The following SYT7 variants were observed in gnomAD, a reference collection of about 807,000 sequenced individuals.
SYT7 encodes synaptotagmin-7.
SYT7 carries 29 observed loss-of-function variants against 75.1 expected under a neutral mutation model. The ratio of observed to expected loss-of-function variants is 0.39; its 90% CI spans 0.29 to 0.53. The LOEUF (loss-of-function observed/expected upper bound fraction) is 0.53, where lower values mean the gene tolerates loss of function less well. SYT7 is among the 20% of genes least tolerant of loss of function. SYT7 has a pLI of 0.77. For missense variants in SYT7, 693 were observed against 953.2 expected (o/e 0.73, Z 3.59); for synonymous variants, 376 against 401.7 (o/e 0.94, Z 0.76).
Position 61,580,174 on chromosome 11 carries a change from G to T in SYT7, c.31+616C>A, listed in dbSNP as rs1290653229. 6.7e-6 allele frequency among the ~76,000 whole-genome samples: 1 copy of T among 149,068 alleles called. No homozygotes were observed. The highest frequency in any genetic ancestry group is 1.5e-5 in the Non-Finnish European group (1 of 67,418). ...CCCAAACCTAGGAGAACATTCTCTT[G>T]GCACCCCCATTCTCATGAGCCCCTG... is the stretch of plus-strand genomic sequence containing the variant. On this transcript the variant is annotated intron_variant, in intron 1 of 12. Transcript: ENST00000539008. This position sits in a 1 kb window ranked among gnomAD's most constrained non-coding sequence, Gnocchi z 6.1.
intron 1 of SYT7, among the ~76,000 whole-genome samples, chr11:61,579,854 G>A (rs956450071): frequency 6.6e-6 from 1 of 152,224 alleles, no homozygotes; most frequent in African/African-American, 2.4e-5. Flanking sequence ...GGCAGACTGG[G>A]GGTGCTGGGA....
chr11:61,576,602 C>T lies in SYT7; in HGVS notation c.31+4188G>A, dbSNP rs981345350. 2.0e-5 allele frequency among the ~76,000 whole-genome samples: 3 copies of T among 151,966 alleles called. No individual in the cohort carries two copies. Among genetic ancestry groups the T allele is most frequent in the Non-Finnish European group, 2.9e-5 (2 of 68,012 alleles). On this transcript the variant is annotated intron_variant, in intron 1 of 12. Transcript: ENST00000539008. The surrounding 1 kb of genome is among the most constrained non-coding windows in gnomAD (Gnocchi z 4.1). ...TGACCCCTCCCAGCTCTTCTCCCTG[C>T]TGTTCTTCTGTTCTTGGCCTCACTC...
At chr11:61,572,544 CA>C (rs1261953419) in intron 1 of SYT7, among the ~76,000 whole-genome samples, 1 of 152,210 alleles carries the variant, frequency 6.6e-6, no homozygotes, top group East Asian at 1.9e-4. Context: ...GCAAGACACT[CA>C]ACCTCTCTGA....
Position 61,542,268 on chromosome 11 carries a change from C to A in SYT7, c.884G>T (p.Ser295Ile). 1 of 1,535,322 alleles carries A rather than the reference C, an allele frequency of 6.5e-7. No individual in the cohort carries two copies. Among genetic ancestry groups the A allele is most frequent in the Non-Finnish European group, 8.7e-7 (1 of 1,146,502 alleles). Residue 295 changes from serine (S) to isoleucine (I), a missense_variant, in exon 6 of 13, where the codon AGC (serine) becomes ATC (isoleucine). By Grantham distance (142) the Ser-to-Ile change is moderately radical (BLOSUM62 -2). Around this residue, in one of 2 missense-constraint regions of SYT7, gnomAD observed 487 missense variants for 593.2 expected, o/e 0.82. Transcript: ENST00000539008. This position sits in a 1 kb window ranked among gnomAD's most constrained non-coding sequence, Gnocchi z 7.8. The part of the protein sequence containing the change: ...AGGRSRSNPG[S>I]WDHVVGQIRN... ...AATCTGCCCCACCACGTGGTCCCAG[C>A]TGCCTGGGTTGGAGCGGCTGCGGCC...
Position 61,546,914 on chromosome 11 carries a change from A to C in SYT7, c.347+263T>G, listed in dbSNP as rs2063208476. Among the ~76,000 whole-genome samples the C allele has an allele frequency of 6.6e-6, 1 of 151,968 alleles. No homozygotes were observed. The highest frequency in any genetic ancestry group is 6.5e-5 in the Admixed American group (1 of 15,268). ...GGCCCCGGGACCAGCTGGGGGGGCC[A>C]GGTATGGCTGCCGAGGGGGCTCTCC... On this transcript the variant is annotated intron_variant, in intron 4 of 12. Transcript: ENST00000539008. This position sits in a 1 kb window ranked among gnomAD's most constrained non-coding sequence, Gnocchi z 7.6.
intron 1 of SYT7, among the ~76,000 whole-genome samples, chr11:61,566,708 G>T (rs753761393): frequency 1.4e-4 from 21 of 152,238 alleles, no homozygotes; most frequent in Non-Finnish European, 2.9e-4. Flanking sequence ...ATGATTAAGT[G>T]TGGGCCTTGA....
chr11:61,550,208 C>G (rs1414284779), intron 3 of SYT7, among the ~76,000 whole-genome samples: 1 of 152,192 alleles, frequency 6.6e-6, no homozygotes, highest in African/African-American at 2.4e-5. Context: ...CACGCCTCCT[C>G]TTGCCCCACC....
At chr11:61,534,772 C>T (rs11230735) in intron 7 of SYT7, among the ~76,000 whole-genome samples, 19,156 of 152,156 alleles carry the variant, frequency 0.13, 1,548 homozygotes, top group Middle Eastern at 0.21. Context: ...GCCCACTCCA[C>T]CCAGCGACAC....
At chr11:61,573,868 C>T (rs1240773807) in intron 1 of SYT7, among the ~76,000 whole-genome samples, 1 of 152,244 alleles carries the variant, frequency 6.6e-6, no homozygotes, top group Non-Finnish European at 1.5e-5. Context: ...CTGAAGCTCA[C>T]ACCCTTAGGT....
chr11:61,584,928 G>A (rs1440993284), upstream of SYT7, among the ~76,000 whole-genome samples: 2 of 152,238 alleles, frequency 1.3e-5, no homozygotes, highest in Non-Finnish European at 2.9e-5. Flanking sequence ...TTCGTTGCTG[G>A]TCCCCTGTCC....
At chr11:61,540,690 T>G in intron 6 of SYT7, 1 of 985,460 alleles carries the variant, frequency 1.0e-6, no homozygotes. Flanking sequence ...TGGCCCAGTT[T>G]AATGGCTGCT....
intron 8 of SYT7, among the ~76,000 whole-genome samples, chr11:61,532,609 C>T (rs2062744638): frequency 6.6e-6 from 1 of 152,158 alleles, no homozygotes; most frequent in African/African-American, 2.4e-5. Context: ...CATCTTCTGC[C>T]CTGAGTCCTC....
intron 9 of SYT7, chr11:61,526,472 G>A (rs985212259): frequency 5.9e-5 from 9 of 152,180 alleles, no homozygotes; most frequent in African/African-American, 1.9e-4. Flanking sequence ...CACCACCAAA[G>A]GGAGCTCATA....
At chr11:61,518,874 A>G in intron 12 of SYT7, 143 bp from the exon 13 acceptor site, 1 of 504,822 alleles carries the variant, frequency 2.0e-6, no homozygotes, top group Admixed American at 3.8e-5. Flanking sequence ...CCTACCCCAC[A>G]GAGGCGCTCT....
At chr11:61,566,978 A>C (rs2063787617) in intron 1 of SYT7, among the ~76,000 whole-genome samples, 1 of 152,108 alleles carries the variant, frequency 6.6e-6, no homozygotes, top group African/African-American at 2.4e-5. Flanking sequence ...AGAGCTAGAA[A>C]TCTTCCATCC....
chr11:61,520,927 C>T (rs2062308315), intron 12 of SYT7, among the ~76,000 whole-genome samples: 2 of 152,332 alleles, frequency 1.3e-5, no homozygotes, highest in Middle Eastern at 3.4e-3. Context: ...CTCTGTAAAG[C>T]GGGCTGATGA....
intron 5 of SYT7, among the ~76,000 whole-genome samples, chr11:61,543,495 G>A (rs1017195742): frequency 6.6e-6 from 1 of 152,232 alleles, no homozygotes; most frequent in African/African-American, 2.4e-5. Flanking sequence ...GTCAGATGCA[G>A]TATAGCCTCA....
chr11:61,547,077 A>G, intron 4 of SYT7, 100 bp downstream of exon 4: 1 of 1,361,592 alleles, frequency 7.3e-7, no homozygotes, highest in East Asian at 2.6e-5. Flanking sequence ...GAGAGGAGAG[A>G]GGGAGTGAGC....
rs542764254 is a variant in SYT7, at chr11:61,553,873, G to A, written c.135+2231C>T. On this transcript the variant is annotated intron_variant, in intron 2 of 12. Transcript: ENST00000539008. The surrounding 1 kb of genome is among the most constrained non-coding windows in gnomAD (Gnocchi z 5.2). ...CAGGCAAGGAGAGCCCAACAACTGT[G>A]TGTGTTGGGGGAGGGGACAGCGTTT... Among the ~76,000 whole-genome samples, 74 of 152,334 alleles carry A rather than the reference G, an allele frequency of 4.9e-4. No homozygotes were observed. The highest frequency in any genetic ancestry group is 2.6e-4 in the Non-Finnish European group (18 of 68,032).
Sources: allele counts gnomAD v4.1 joint callset (sites outside exome capture counted in the v4.1 genomes callset), GRCh38; gene constraint gnomAD v4.1.1; regional missense constraint gnomAD v4.1.1; non-coding constraint Gnocchi (gnomAD v3.1); transcripts MANE v1.5; gene names NCBI Gene and HGNC (gene_info 2026-07-23, HGNC 2026-07-21).